DOCK9: variants seen among roughly 807,000 people sequenced by gnomAD.
DOCK9 encodes the protein dedicator of cytokinesis 9.
Under a neutral mutation model 263.3 loss-of-function variants are expected in DOCK9, and 89 were observed. The ratio of observed to expected loss-of-function variants is 0.34; its 90% CI spans 0.28 to 0.40. The LOEUF is 0.40. Among genes scored for constraint, DOCK9 ranks in the 10% least tolerant of loss-of-function variants. The pLI is 1.00. For missense variants in DOCK9, 2,140 were observed against 2,603.4 expected, an observed-to-expected ratio of 0.82 and a Z score of 3.87; for synonymous variants, 976 against 973.1, an observed-to-expected ratio of 1.00 and a Z score of -0.06.
intron 2 of DOCK9, chr13:98,950,090 CA>C (rs1473826138): frequency 6.3e-6 from 3 of 477,430 alleles, no homozygotes; most frequent in African/African-American, 2.0e-5. Context: ...GTGACTTTTA[CA>C]AAGATACCAC....
chr13:98,837,318 C>T (rs2093041905), intron 39 of DOCK9, among the ~76,000 whole-genome samples, 176 bp downstream of exon 39: 1 of 152,142 alleles, frequency 6.6e-6, no homozygotes, highest in Non-Finnish European at 1.5e-5. Context: ...GCATTCAAGC[C>T]ATTCACTGTG....
chr13:98,890,541 C>T (rs2046464154), intron 15 of DOCK9, among the ~76,000 whole-genome samples: 2 of 152,276 alleles, frequency 1.3e-5, no homozygotes, highest in Admixed American at 1.3e-4. Flanking sequence ...AACACAATGC[C>T]GCCTCACAGT....
At chr13:98,885,909 TACCC>T in intron 19 of DOCK9, 78 bp from the exon 20 acceptor site, 1 of 1,405,724 alleles carries the variant, frequency 7.1e-7, no homozygotes, top group Non-Finnish European at 9.6e-7. Context: ...CAGTATGTGT[TACCC>T]AACGCATAAA....
At position 98,868,266 on chromosome 13, in the gene DOCK9, T is replaced by C. The variant is rs1399034384; in HGVS notation, c.3055A>G (p.Lys1019Glu). 1.2e-6 allele frequency: 2 copies of C among 1,613,882 alleles called. No individual in the cohort carries two copies. Among genetic ancestry groups the C allele is most frequent in the Non-Finnish European group, 1.7e-6 (2 of 1,179,912 alleles). ...ACAGCAAGGCTATGATTCGCGTTCT[T>C]AGATGCCTCTGGATTATCTCGAAAC... ...QKFRDNPEAS[K>E]NANHSLAVFI... The change falls in exon 28 of 53, where the codon AAG (lysine) becomes GAG (glutamate). Residue 1019 changes from lysine (K) to glutamate (E), a missense_variant. Coordinates refer to ENST00000682017, the MANE Select transcript of DOCK9 (RefSeq NM_001366683.2).
intron 1 of DOCK9, among the ~76,000 whole-genome samples, chr13:99,009,087 G>C (rs1884011820): frequency 6.6e-6 from 1 of 152,188 alleles, no homozygotes; most frequent in Non-Finnish European, 1.5e-5. Context: ...TCTACAATAA[G>C]TGTGCATTAC....
intron 45 of DOCK9, among the ~76,000 whole-genome samples, chr13:98,822,638 T>G (rs1327725137): frequency 6.6e-6 from 1 of 151,944 alleles, no homozygotes; most frequent in Non-Finnish European, 1.5e-5. Context: ...GATCCTTCAG[T>G]GGCAGGTTTC....
At chr13:98,957,234 C>T (rs1271695067) in intron 1 of DOCK9, among the ~76,000 whole-genome samples, 1 of 152,224 alleles carries the variant, frequency 6.6e-6, no homozygotes, top group Non-Finnish European at 1.5e-5. Flanking sequence ...CCTGCTTAAA[C>T]AGGCACTGAA....
intron 39 of DOCK9, among the ~76,000 whole-genome samples, chr13:98,834,819 G>A (rs2092925719): frequency 6.6e-6 from 1 of 152,122 alleles, no homozygotes; most frequent in Admixed American, 6.5e-5. Context: ...TCTTCTGTCT[G>A]TATAAGAGAT....
At chr13:98,814,810 G>C (rs1454568479) in intron 45 of DOCK9, among the ~76,000 whole-genome samples, 1 of 152,018 alleles carries the variant, frequency 6.6e-6, no homozygotes, top group Non-Finnish European at 1.5e-5. Context: ...GCATGGTAGT[G>C]CATGCCTGTA....
intron 1 of DOCK9, among the ~76,000 whole-genome samples, chr13:99,061,105 G>C (rs564470303): frequency 2.6e-5 from 4 of 152,232 alleles, no homozygotes; most frequent in Admixed American, 6.5e-5. Context: ...ATCTTTATAA[G>C]CTAAAGCTGA....
intron 1 of DOCK9, among the ~76,000 whole-genome samples, chr13:99,010,344 C>CA (rs779066718): frequency 6.6e-6 from 1 of 152,230 alleles, no homozygotes; most frequent in Non-Finnish European, 1.5e-5. Context: ...AGCCCCATCA[C>CA]AAACTTGCCT....
intron 1 of DOCK9, among the ~76,000 whole-genome samples, chr13:99,018,503 C>T (rs1014733985): frequency 1.3e-5 from 2 of 151,794 alleles, no homozygotes; most frequent in African/African-American, 2.4e-5. Context: ...AGAAAATGGA[C>T]CAAGACATAT....
intron 39 of DOCK9, among the ~76,000 whole-genome samples, chr13:98,834,153 T>C (rs2092892748): frequency 6.6e-6 from 1 of 152,214 alleles, no homozygotes; most frequent in African/African-American, 2.4e-5. Context: ...CTTATGGTGC[T>C]TAATCCAAGA....
intron 33 of DOCK9, chr13:98,859,657 A>G (rs1255897558): frequency 6.6e-6 from 1 of 151,950 alleles, no homozygotes; most frequent in Non-Finnish European, 1.5e-5. Flanking sequence ...TCAAAATGTG[A>G]TAAAGACAGG....
At chr13:98,885,137 G>GTA in intron 20 of DOCK9, 45 bp from the exon 21 acceptor site, 1 of 1,596,812 alleles carries the variant, frequency 6.3e-7, no homozygotes, top group Non-Finnish European at 8.5e-7. Context: ...CACTGTGAGT[G>GTA]TATGAAAACT....
intron 27 of DOCK9, among the ~76,000 whole-genome samples, chr13:98,877,540 C>T (rs1048260087): frequency 1.5e-4 from 23 of 152,074 alleles, no homozygotes; most frequent in Admixed American, 9.2e-4. Context: ...CTAAGCTTTC[C>T]GCCAAAACCA....
intron 3 of DOCK9, among the ~76,000 whole-genome samples, chr13:98,927,643 C>T (rs1334069375): frequency 6.0e-5 from 9 of 150,342 alleles, no homozygotes; most frequent in South Asian, 2.1e-4. Context: ...TTTTTTAAGA[C>T]GGAATCTTGC....
intron 2 of DOCK9, among the ~76,000 whole-genome samples, chr13:98,936,045 T>A (rs2054767017): frequency 6.6e-6 from 1 of 152,160 alleles, no homozygotes; most frequent in African/African-American, 2.4e-5. Flanking sequence ...TCAATGCATA[T>A]TAATAAAATG....
At chr13:98,927,396 C>T (rs552726534) in intron 3 of DOCK9, among the ~76,000 whole-genome samples, 2 of 152,220 alleles carry the variant, frequency 1.3e-5, no homozygotes, top group African/African-American at 4.8e-5. Flanking sequence ...AGTAGTCAGG[C>T]CTGACTATGT....
Sources: gnomAD v4.1 joint callset for allele counts (sites outside exome capture counted in the v4.1 genomes callset) on GRCh38, gnomAD v4.1.1 for gene constraint, MANE v1.5 for transcripts, NCBI Gene and HGNC (gene_info 2026-07-23, HGNC 2026-07-21) for gene names.